RHOH: variants seen among roughly 807,000 people sequenced by gnomAD.
RHOH encodes rho-related GTP-binding protein RhoH.
RHOH carries 6 observed loss-of-function variants against 13.8 expected under a neutral mutation model. The ratio of observed to expected loss-of-function variants is 0.44; its 90% CI spans 0.24 to 0.86. The LOEUF (loss-of-function observed/expected upper bound fraction) is 0.86. Among genes scored for constraint, RHOH ranks in the 40% least tolerant of loss-of-function variants. RHOH has a pLI of 0.24. For synonymous variants in RHOH, 117 were observed against 103.0 expected (o/e 1.14, Z -0.82); for missense variants, 147 against 244.5 (o/e 0.60, Z 2.66).
At chr4:40,239,860 A>G (rs1314173272) in intron 1 of RHOH, among the ~76,000 whole-genome samples, 1 of 151,358 alleles carries the variant, frequency 6.6e-6, no homozygotes, top group East Asian at 1.9e-4. Context: ...CCTGAGCAAC[A>G]GAGCGAGACT....
At chr4:40,210,803 A>T (rs1299923930) in intron 1 of RHOH, among the ~76,000 whole-genome samples, 1 of 152,212 alleles carries the variant, frequency 6.6e-6, no homozygotes, top group Non-Finnish European at 1.5e-5. Flanking sequence ...TATAAAGCAC[A>T]GTTATACATA....
rs557956779 is a variant in RHOH at position 40,232,380 on chromosome 4, A to G, written c.-330-10334A>G. On this transcript the variant is annotated intron_variant, in intron 1 of 2. Transcript: ENST00000381799. ...GCTGGGACTATAGGCATGCTCCACCATGCCTGGCTAATTTTTTTTTTTTTA... is the reference window on the plus strand; with the variant it reads ...GCTGGGACTATAGGCATGCTCCACCGTGCCTGGCTAATTTTTTTTTTTTTA... Among the ~76,000 whole-genome samples the G allele has an allele frequency of 2.3e-3, 288 of 126,610 alleles. 2 individuals carry two copies. The highest frequency in any genetic ancestry group is 2.3e-3 in the South Asian group (9 of 3,902). 83.1% of individuals were successfully genotyped at this position (126,610 alleles called of 152,430 possible).
intron 1 of RHOH, among the ~76,000 whole-genome samples, chr4:40,198,242 T>C (rs1324129618): frequency 6.6e-6 from 1 of 152,102 alleles, no homozygotes; most frequent in Non-Finnish European, 1.5e-5. Context: ...GAAGTGTCGG[T>C]AGAAGGAGAA....
At chr4:40,199,129 C>T (rs760776708) in intron 1 of RHOH, among the ~76,000 whole-genome samples, 3 of 152,060 alleles carry the variant, frequency 2.0e-5, no homozygotes, top group Non-Finnish European at 4.4e-5. Context: ...CAAAATATCT[C>T]TAATAACAGT....
intron 1 of RHOH, among the ~76,000 whole-genome samples, chr4:40,211,831 G>A (rs933464991): frequency 2.0e-5 from 3 of 152,148 alleles, no homozygotes; most frequent in African/African-American, 4.8e-5. Flanking sequence ...TAGCTGGATT[G>A]TTTTTTCTGT....
At chr4:40,242,092 C>G (rs1192989833) in intron 1 of RHOH, among the ~76,000 whole-genome samples, 3 of 152,216 alleles carry the variant, frequency 2.0e-5, no homozygotes, top group Non-Finnish European at 4.4e-5. Flanking sequence ...GTCTGAAAGA[C>G]TTTTCCTTCG....
At chr4:40,195,347 T>G, upstream of RHOH, among the ~76,000 whole-genome samples, 1 of 149,928 alleles carries the variant, frequency 6.7e-6, no homozygotes, top group East Asian at 2.0e-4. Flanking sequence ...TTCTTTCCTT[T>G]CTTTCTTTTC....
In RHOH at chr4:40,243,699, A is replaced by G; in HGVS notation, c.313A>G (p.Asn105Asp). ...CAAGTGGATTGGTGAAATTAGGAGCAACTTGCCCTGTACCCCTGTGCTGGT... is the reference window on the plus strand; with the variant it reads ...CAAGTGGATTGGTGAAATTAGGAGCGACTTGCCCTGTACCCCTGTGCTGGT... ...KNKWIGEIRS[N>D]LPCTPVLVVA... The change falls in exon 3 of 3, where the codon AAC becomes GAC. Residue 105 changes from asparagine to aspartate, a missense_variant. Coordinates refer to ENST00000381799, the MANE Select transcript of RHOH (RefSeq NM_004310.5). The surrounding 1 kb of genome is among the most constrained non-coding windows in gnomAD (Gnocchi z 6.2). 6.2e-7 allele frequency: 1 copy of G among 1,614,184 alleles called. No individual in the cohort carries two copies. The highest frequency in any genetic ancestry group is 8.5e-7 in the Non-Finnish European group (1 of 1,180,032).
chr4:40,229,540 A>G (rs1293437791), intron 1 of RHOH, among the ~76,000 whole-genome samples: 3 of 151,514 alleles, frequency 2.0e-5, no homozygotes, highest in Non-Finnish European at 4.4e-5. Flanking sequence ...AGGCTGAGGC[A>G]GGAGAATCGC....
chr4:40,204,636 C>A (rs1219462645), intron 1 of RHOH, among the ~76,000 whole-genome samples: 1 of 152,132 alleles, frequency 6.6e-6, no homozygotes, highest in African/African-American at 2.4e-5. Flanking sequence ...AGGAGCTCTG[C>A]CCTCAGCAGA....
intron 1 of RHOH, among the ~76,000 whole-genome samples, chr4:40,216,466 C>G (rs1725908921): frequency 6.6e-6 from 1 of 151,694 alleles, no homozygotes; most frequent in African/African-American, 2.4e-5. Context: ...GAGACTCCAT[C>G]TCAATAAAAA....
At chr4:40,195,306 G>A (rs1723002660), upstream of RHOH, among the ~76,000 whole-genome samples, 1 of 151,912 alleles carries the variant, frequency 6.6e-6, no homozygotes, top group South Asian at 2.1e-4. Context: ...CATCACCATG[G>A]TGATCTGGCT....
At position 40,231,705 on chromosome 4, in the gene RHOH, T is replaced by G. The variant is rs1413211939; in HGVS notation, c.-330-11009T>G. 3.3e-5 allele frequency among the ~76,000 whole-genome samples: 5 copies of G among 152,228 alleles called. 1 individual carries two copies. The highest frequency in any genetic ancestry group is 2.0e-4 in the Admixed American group (3 of 15,282). Reference sequence around the variant, plus strand: ...GGGGCTTCTCTCCCTCTTTCTTGTCTCACAGCATCTGCTCTGGATAAAGTC... The same window carrying G: ...GGGGCTTCTCTCCCTCTTTCTTGTCGCACAGCATCTGCTCTGGATAAAGTC... On this transcript the variant is annotated intron_variant, in intron 1 of 2. Coordinates refer to ENST00000381799, the MANE Select transcript of RHOH (RefSeq NM_004310.5).
chr4:40,214,210 C>G (rs79725241), intron 1 of RHOH, among the ~76,000 whole-genome samples: 1 of 152,166 alleles, frequency 6.6e-6, no homozygotes, highest in East Asian at 1.9e-4. Context: ...CGGAAGGAAG[C>G]TTTCTGATGA....
At chr4:40,203,034 T>C (rs1476957288) in intron 1 of RHOH, among the ~76,000 whole-genome samples, 2 of 152,132 alleles carry the variant, frequency 1.3e-5, no homozygotes, top group African/African-American at 4.8e-5. Flanking sequence ...TGCAGTGGCA[T>C]GATCTTGGCT....
intron 1 of RHOH, among the ~76,000 whole-genome samples, chr4:40,230,578 C>T (rs1023061148): frequency 1.3e-5 from 2 of 149,398 alleles, no homozygotes; most frequent in Non-Finnish European, 1.5e-5. Context: ...CATGGCAAAA[C>T]CCCATCTCTA....
chr4:40,234,168 T>C (rs1370314286), intron 1 of RHOH, among the ~76,000 whole-genome samples: 3 of 104,878 alleles, frequency 2.9e-5, no homozygotes, highest in Non-Finnish European at 4.5e-5. Flanking sequence ...GATACCCAAC[T>C]GAGAAAACAC....
In RHOH at chr4:40,245,248, G is replaced by A. The variant is rs1366046024; in HGVS notation, c.*1286G>A. ...GAGAACAGAGGACTACATAACTTAA[G>A]GTAGAAATTGCAAAGGCTGGGTTGG... is the stretch of plus-strand genomic sequence containing the variant. On this transcript the variant is annotated 3_prime_UTR_variant, in exon 3 of 3. Coordinates refer to ENST00000381799, the MANE Select transcript of RHOH (RefSeq NM_004310.5). 2.0e-5 allele frequency: 3 copies of A among 152,210 alleles called. No homozygotes were observed. The highest frequency in any genetic ancestry group is 7.2e-5 in the African/African-American group (3 of 41,442). The allele number at this position is 152,210 out of a possible 1,614,324, so 9.4% of individuals were successfully genotyped here.
chr4:40,241,846 C>T (rs952613327), intron 1 of RHOH, among the ~76,000 whole-genome samples: 2 of 152,144 alleles, frequency 1.3e-5, no homozygotes, highest in Admixed American at 6.5e-5. Context: ...GCTGTGATGA[C>T]ACCACTGCAC....
Sources: allele counts gnomAD v4.1 joint callset (sites outside exome capture counted in the v4.1 genomes callset), GRCh38; gene constraint gnomAD v4.1.1; non-coding constraint Gnocchi (gnomAD v3.1); transcripts MANE v1.5; gene names NCBI Gene and HGNC (gene_info 2026-07-23, HGNC 2026-07-21).